PTPRD: variants seen among roughly 807,000 people sequenced by gnomAD.
The protein encoded by PTPRD is receptor-type tyrosine-protein phosphatase delta.
A neutral mutation model predicts 214.5 loss-of-function variants in PTPRD; 34 were observed. The ratio of observed to expected loss-of-function variants is 0.16; its 90% CI spans 0.12 to 0.21. The LOEUF (loss-of-function observed/expected upper bound fraction) is 0.21, where lower values mean the gene tolerates loss of function less well. PTPRD is among the 10% of genes least tolerant of loss of function. The pLI is 1.00. For synonymous variants in PTPRD, 1,128 were observed against 845.7 expected, an observed-to-expected ratio of 1.33 and a Z score of -5.79; for missense variants, 2,545 against 2,398.7, an observed-to-expected ratio of 1.06 and a Z score of -1.27.
chr9:10,407,417 C>A (rs891276623), intron 2 of PTPRD, among the ~76,000 whole-genome samples: 12 of 151,298 alleles, frequency 7.9e-5, no homozygotes, highest in African/African-American at 2.9e-4. Context: ...TATAAACTTC[C>A]ATGTATTCTA....
At chr9:9,688,091 C>A (rs570511403) in intron 7 of PTPRD, among the ~76,000 whole-genome samples, 1 of 151,928 alleles carries the variant, frequency 6.6e-6, no homozygotes, top group East Asian at 1.9e-4. Context: ...TCTCCCTCAA[C>A]TTCTGCCACG....
chr9:9,601,109 ATATGTGTG>A (rs1433902435), intron 7 of PTPRD, among the ~76,000 whole-genome samples: 57 of 102,168 alleles, frequency 5.6e-4, no homozygotes, highest in Admixed American at 1.3e-3. Flanking sequence ...AGAGATTAAT[ATATGTGTG>A]TGTGTGTGTG....
rs373928022 is a variant in PTPRD at position 10,394,370 on chromosome 9, C to T, written c.-599-53353G>A. On this transcript the variant is annotated intron_variant, in intron 2 of 45. Transcript: ENST00000381196. ...TTAAGGTTTCAACAACTGGATCAAG[C>T]CCTTATCTTGAATAATTTGGCAATA... Among the ~76,000 whole-genome samples the T allele has an allele frequency of 2.8e-4, 43 of 151,422 alleles. No homozygotes were observed. The East Asian group carries it at 4.9e-3, about 17-fold the overall frequency.
At chr9:9,503,810 T>C (rs917331570) in intron 8 of PTPRD, among the ~76,000 whole-genome samples, 3 of 151,656 alleles carry the variant, frequency 2.0e-5, no homozygotes, top group Non-Finnish European at 4.4e-5. Context: ...CTTGGGCATG[T>C]ATGCCTATCA....
chr9:9,242,359 T>G (rs1455474861), intron 9 of PTPRD, among the ~76,000 whole-genome samples: 2 of 152,128 alleles, frequency 1.3e-5, no homozygotes, highest in African/African-American at 4.8e-5. Flanking sequence ...CTTTGTGGCA[T>G]TCTCTGTATT....
intron 18 of PTPRD, 181 bp downstream of exon 18, chr9:8,524,744 C>T (rs772659897): frequency 2.7e-6 from 2 of 741,184 alleles, no homozygotes; most frequent in Non-Finnish European, 4.9e-6. Context: ...CAAGAGTTGT[C>T]TTTTGGAGTT....
chr9:9,167,684 G>A (rs1163782713), intron 10 of PTPRD, among the ~76,000 whole-genome samples: 1 of 152,042 alleles, frequency 6.6e-6, no homozygotes, highest in Non-Finnish European at 1.5e-5. Context: ...GATCCAAGGA[G>A]GCAGAGGTTG....
intron 11 of PTPRD, among the ~76,000 whole-genome samples, chr9:8,838,701 T>C (rs900134370): frequency 4.0e-5 from 6 of 151,880 alleles, no homozygotes; most frequent in Admixed American, 6.6e-5. Context: ...GGCAAAAGAG[T>C]AGGTAGTTTG....
At chr9:10,506,902 A>C (rs940305813) in intron 2 of PTPRD, among the ~76,000 whole-genome samples, 2 of 152,008 alleles carry the variant, frequency 1.3e-5, no homozygotes, top group East Asian at 3.9e-4. Flanking sequence ...TGTGCATTAA[A>C]TTGGGGGCAT....
chr9:9,592,906 G>A (rs910339463), intron 7 of PTPRD, among the ~76,000 whole-genome samples: 5 of 151,932 alleles, frequency 3.3e-5, no homozygotes, highest in African/African-American at 1.2e-4. Flanking sequence ...TTAGCCAGAT[G>A]TGGTGGTACA....
At chr9:8,714,312 TTTTTG>T (rs1024779191) in intron 12 of PTPRD, among the ~76,000 whole-genome samples, 35 of 148,530 alleles carry the variant, frequency 2.4e-4, no homozygotes, top group East Asian at 5.8e-4. Flanking sequence ...ATTGGGTTTT[TTTTTG>T]TTTTGTTTTG....
chr9:9,014,186 TGTTTG>T (rs759642160), intron 11 of PTPRD, among the ~76,000 whole-genome samples: 6 of 72,040 alleles, frequency 8.3e-5, no homozygotes, highest in East Asian at 2.8e-4. Flanking sequence ...CGTTTTTTTT[TGTTTG>T]TTTGTTTGTT....
Position 10,030,624 on chromosome 9 carries a change from G to T in PTPRD, c.-472+3094C>A, listed in dbSNP as rs577192101. Among the ~76,000 whole-genome samples the T allele has an allele frequency of 2.0e-5, 3 of 152,212 alleles. No homozygotes were observed. In the East Asian group the frequency reaches 5.8e-4, roughly 29 times the overall value. Reference sequence around the variant, plus strand: ...AGGAAAGGCTCAGGGAAATAAGAAGGGTCAAATATATGAGGGGCCTGGTGA... The same window carrying T: ...AGGAAAGGCTCAGGGAAATAAGAAGTGTCAAATATATGAGGGGCCTGGTGA... On this transcript the variant is annotated intron_variant, in intron 4 of 45. Coordinates refer to ENST00000381196, the MANE Select transcript of PTPRD (RefSeq NM_002839.4).
chr9:8,907,733 G>C (rs1225928659), intron 11 of PTPRD, among the ~76,000 whole-genome samples: 2 of 151,580 alleles, frequency 1.3e-5, no homozygotes, highest in Non-Finnish European at 2.9e-5. Flanking sequence ...ATTCTAAAAA[G>C]AGATCAACAG....
At chr9:8,866,953 C>T (rs1278506226) in intron 11 of PTPRD, among the ~76,000 whole-genome samples, 1 of 152,124 alleles carries the variant, frequency 6.6e-6, no homozygotes, top group African/African-American at 2.4e-5. Context: ...ATTGGAGTGG[C>T]AAAATGTTAT....
At position 8,341,768 on chromosome 9, in the gene PTPRD, G is replaced by C. The variant is rs566942605; in HGVS notation, c.4872C>G (p.Asn1624Lys). ...TCGNTEVPARNLYAYIQKLTQ... is the reference protein window; with the variant it reads ...TCGNTEVPARKLYAYIQKLTQ... ...TCAGCTTCTGAATGTAGGCATACAA[G>C]TTTCTAGCTGGCACTTCGGTATTTC... Residue 1624 changes from asparagine (N) to lysine (K), a missense_variant, in exon 40 of 46, where the codon AAC becomes AAG. Asn to Lys is a moderately conservative substitution (Grantham distance 94). Coordinates refer to ENST00000381196, the MANE Select transcript of PTPRD (RefSeq NM_002839.4). 6.2e-7 allele frequency: 1 copy of C among 1,613,590 alleles called. No homozygotes were observed. The highest frequency in any genetic ancestry group is 8.5e-7 in the Non-Finnish European group (1 of 1,179,726).
At chr9:8,416,480 C>T (rs929864172) in intron 35 of PTPRD, among the ~76,000 whole-genome samples, 2 of 152,094 alleles carry the variant, frequency 1.3e-5, no homozygotes, top group Non-Finnish European at 2.9e-5. Context: ...AAGAGAGTTG[C>T]AGAATACTTT....
chr9:9,012,059 C>T (rs934965263), intron 11 of PTPRD, among the ~76,000 whole-genome samples: 2 of 152,128 alleles, frequency 1.3e-5, no homozygotes, highest in African/African-American at 4.8e-5. Context: ...TTTAAAGAAG[C>T]AAGGTACCAT....
intron 7 of PTPRD, among the ~76,000 whole-genome samples, chr9:9,676,449 C>T (rs1331524300): frequency 5.3e-5 from 8 of 152,104 alleles, no homozygotes; most frequent in Non-Finnish European, 5.9e-5. Context: ...CTACAAAGGA[C>T]ATGAACTCAT....
Sources: allele counts gnomAD v4.1 joint callset (sites outside exome capture counted in the v4.1 genomes callset), GRCh38; gene constraint gnomAD v4.1.1; transcripts MANE v1.5; gene names NCBI Gene and HGNC (gene_info 2026-07-23, HGNC 2026-07-21).